Variants in SHOX2 observed in about 807,000 individuals in gnomAD.
SHOX2 encodes the protein short stature homeobox protein 2.
Under a neutral mutation model 31.3 loss-of-function variants are expected in SHOX2, and 13 were observed. That is an observed-to-expected ratio of 0.42 (90% confidence interval 0.27 to 0.66). The LOEUF (loss-of-function observed/expected upper bound fraction) is 0.66, where lower values mean the gene tolerates loss of function less well. Ranked by LOEUF, SHOX2 falls within the 30% of genes least tolerant of loss-of-function variation. The probability of loss-of-function intolerance (pLI) is 0.27; values close to 1 mark genes in which losing one functional copy is unlikely to be tolerated. For missense variants in SHOX2, 473 were observed against 443.0 expected (o/e 1.07, Z -0.61); for synonymous variants, 244 against 196.2 (o/e 1.24, Z -2.04).
Position 158,102,883 on chromosome 3 carries a change from G to C in SHOX2, c.350C>G (p.Ser117Cys), listed in dbSNP as rs1272535986. Residue 117 changes from serine (S) to cysteine (C), a missense_variant, in exon 2 of 5, where the codon TCC becomes TGC. By Grantham distance (112) the Ser-to-Cys change is moderately radical. This residue lies in a region of SHOX2 where 276 missense variants were observed against 230.0 expected (regional missense o/e 1.20). Coordinates refer to ENST00000483851, the MANE Select transcript of SHOX2 (RefSeq NM_001163678.2). The stretch of plus-strand genomic sequence containing the variant: ...CTCTTTGCGATCTTTCAGCTCCGGG[G>C]ACACTGGAGGGGGCACCCCAGCGGG... ...EPGSPRLTEV[S>C]PELKDRKEDA... is the part of the protein sequence containing the mutation. 4 of 1,613,648 alleles carry C rather than the reference G, an allele frequency of 2.5e-6. No homozygotes were observed. Among genetic ancestry groups the C allele is most frequent in the Non-Finnish European group, 3.4e-6 (4 of 1,180,002 alleles).
In SHOX2 at chr3:158,103,451, TATC is replaced by T. The variant is rs562387913; in HGVS notation, c.347-568_347-566del. Reference sequence around the variant, plus strand: ...ATTTAGGAACAATTGGGCCGAAAGGTATCAGCGAGAGCAACAGACCCCGGTGTT... The same window carrying T: ...ATTTAGGAACAATTGGGCCGAAAGGTAGCGAGAGCAACAGACCCCGGTGTT... On this transcript the variant is annotated intron_variant, in intron 1 of 4. Coordinates refer to ENST00000483851, the MANE Select transcript of SHOX2 (RefSeq NM_001163678.2). 22 of 167,924 alleles carry T rather than the reference TATC, an allele frequency of 1.3e-4. No homozygotes were observed. In the Middle Eastern group the frequency reaches 9.5e-3, roughly 72 times the overall value. 10.4% of individuals were successfully genotyped at this position (167,924 alleles called of 1,614,324 possible).
intron 3 of SHOX2, 121 bp from the exon 4 acceptor site, chr3:158,100,069 A>T (rs1713396643): frequency 4.1e-6 from 4 of 965,794 alleles, no homozygotes; most frequent in Non-Finnish European, 3.1e-6. Context: ...TCTAAACTGC[A>T]TCCAAAATTT....
chr3:158,096,761 T>C lies in SHOX2; in HGVS notation c.*1266A>G, dbSNP rs1713108534. On this transcript the variant is annotated 3_prime_UTR_variant, in exon 5 of 5. Transcript: ENST00000483851. ...GAGGCGCTGTACCTTCATTATTTCATTTGGTGGTCTTGTTTTCTTTTTCCT... is the reference window on the plus strand; with the variant it reads ...GAGGCGCTGTACCTTCATTATTTCACTTGGTGGTCTTGTTTTCTTTTTCCT... The C allele has an allele frequency of 6.6e-6, 1 of 151,856 alleles. No homozygotes were observed. Among genetic ancestry groups the C allele is most frequent in the Non-Finnish European group, 1.5e-5 (1 of 67,932 alleles). 9.4% of individuals were successfully genotyped at this position (151,856 alleles called of 1,614,324 possible). A position where few individuals can be genotyped will look rare whatever the true frequency, so the allele number is the denominator to read the frequency against.
intron 1 of SHOX2, chr3:158,105,337 C>A (rs957998198): frequency 1.5e-5 from 9 of 591,164 alleles, no homozygotes; most frequent in African/African-American, 1.1e-4. Context: ...CAGCCCGGCC[C>A]CGCGAACTTC....
Position 158,096,101 on chromosome 3 carries a change from G to A in SHOX2, c.*1926C>T, listed in dbSNP as rs552504533. On this transcript the variant is annotated 3_prime_UTR_variant, in exon 5 of 5. Transcript: ENST00000483851. ...TTTAAAAGGTTTAACAGAATTGGAG[G>A]CGACACATTTTGTACTGACAACACG... 3 of 152,656 alleles carry A rather than the reference G, an allele frequency of 2.0e-5. No individual in the cohort carries two copies. The South Asian group carries it at 6.2e-4, about 32-fold the overall frequency. 9.5% of individuals were successfully genotyped at this position (152,656 alleles called of 1,614,324 possible).
Position 158,097,667 on chromosome 3 carries a change from T to G in SHOX2, c.*360A>C. 4.7e-6 allele frequency: 1 copy of G among 212,746 alleles called. No homozygotes were observed. Among genetic ancestry groups the G allele is most frequent in the Non-Finnish European group, 9.2e-6 (1 of 108,802 alleles). The allele number at this position is 212,746 out of a possible 1,614,324, so 13.2% of individuals were successfully genotyped here. On this transcript the variant is annotated 3_prime_UTR_variant, in exon 5 of 5. Coordinates refer to ENST00000483851, the MANE Select transcript of SHOX2 (RefSeq NM_001163678.2). ...TTTTTCATTGTTAACAAGATTTTTT[T>G]TTCTATGCAAGAGTCCATCGTTGCA...
In SHOX2 at chr3:158,101,301, CT is replaced by C. The variant is rs540570983; in HGVS notation, c.556-991del. On this transcript the variant is annotated intron_variant, in intron 2 of 4. Coordinates refer to ENST00000483851, the MANE Select transcript of SHOX2 (RefSeq NM_001163678.2). ...TCAATGTAAATCTTCAAAAATTTCT[CT>C]GCTATTTAGTACAACAGAGGGTGGA... 1.6e-3 allele frequency among the ~76,000 whole-genome samples: 245 copies of C among 152,350 alleles called. 1 individual carries two copies. Among genetic ancestry groups the C allele is most frequent in the Admixed American group, 0.013 (199 of 15,308 alleles).
intron 1 of SHOX2, chr3:158,105,198 G>A: frequency 1.0e-6 from 1 of 983,396 alleles, no homozygotes; most frequent in Admixed American, 2.0e-5. Flanking sequence ...AGTTCGAGGG[G>A]TCTTGGCGGC....
chr3:158,104,673 G>A (rs1713740101), intron 1 of SHOX2, among the ~76,000 whole-genome samples: 2 of 152,166 alleles, frequency 1.3e-5, no homozygotes, highest in Non-Finnish European at 2.9e-5. Context: ...ATTTCAAGTT[G>A]ATCCATAGAC....
intron 3 of SHOX2, 70 bp downstream of exon 3, chr3:158,100,184 T>C (rs1713409332): frequency 1.6e-6 from 2 of 1,285,348 alleles, no homozygotes; most frequent in East Asian, 2.3e-5. Flanking sequence ...TTTTCTGTCA[T>C]TGTAATAGTA....
chr3:158,101,230 T>G (rs571156495), intron 2 of SHOX2, among the ~76,000 whole-genome samples: 4 of 152,230 alleles, frequency 2.6e-5, no homozygotes, highest in Non-Finnish European at 5.9e-5. Flanking sequence ...GTAAAAATAC[T>G]GCTTCAGAGC....
chr3:158,097,787 G>A lies in SHOX2; in HGVS notation c.*240C>T. 1 of 573,824 alleles carries A rather than the reference G, an allele frequency of 1.7e-6. No homozygotes were observed. 35.5% of individuals were successfully genotyped at this position (573,824 alleles called of 1,614,324 possible). A position where few individuals can be genotyped will look rare whatever the true frequency, so the allele number is the denominator to read the frequency against. ...CCCGCTCCTACAAAACCCAATTCTA[G>A]GCCCTCGAGTAGGAAAACGGGCAGG... On this transcript the variant is annotated 3_prime_UTR_variant, in exon 5 of 5. Transcript: ENST00000483851.
At position 158,096,617 on chromosome 3, in the gene SHOX2, GA is replaced by G. The variant is rs1713099981; in HGVS notation, c.*1409del. On this transcript the variant is annotated 3_prime_UTR_variant, in exon 5 of 5. Coordinates refer to ENST00000483851, the MANE Select transcript of SHOX2 (RefSeq NM_001163678.2). ...TTTAAGGTGAATTTGACGGGATAGA[GA>G]GGGGGAAATAAACCACTGTCTTCAA... is the stretch of plus-strand genomic sequence containing the variant. 6.6e-6 allele frequency: 1 copy of G among 152,392 alleles called. No homozygotes were observed. Among genetic ancestry groups the G allele is most frequent in the Non-Finnish European group, 1.5e-5 (1 of 68,014 alleles). The allele number at this position is 152,392 out of a possible 1,614,324, so 9.4% of individuals were successfully genotyped here.
Position 158,102,662 on chromosome 3 carries a change from C to A in SHOX2, c.555+16G>T. 6.2e-7 allele frequency: 1 copy of A among 1,612,706 alleles called. No homozygotes were observed. The highest frequency in any genetic ancestry group is 8.5e-7 in the Non-Finnish European group (1 of 1,178,900). The stretch of plus-strand genomic sequence containing the variant: ...TCTCTGCTCCCTGGGCCCTCGACCT[C>A]CTGGCAGCTGGGTACCTGCACTCGG... On this transcript the variant is annotated intron_variant, in intron 2 of 4. Transcript: ENST00000483851.
chr3:158,098,488 G>C (rs1713278791), intron 4 of SHOX2, among the ~76,000 whole-genome samples: 1 of 152,196 alleles, frequency 6.6e-6, no homozygotes, highest in Non-Finnish European at 1.5e-5. Flanking sequence ...GGATACTCCA[G>C]TGTCCCCTGG....
intron 4 of SHOX2, among the ~76,000 whole-genome samples, 165 bp downstream of exon 4, chr3:158,099,695 G>A (rs756131244): frequency 3.3e-5 from 5 of 152,158 alleles, no homozygotes; most frequent in Admixed American, 1.3e-4. Flanking sequence ...CTTTAATACC[G>A]TATAGGTTTT....
intron 2 of SHOX2, among the ~76,000 whole-genome samples, chr3:158,101,858 A>C (rs1713513127): frequency 1.3e-5 from 2 of 152,226 alleles, no homozygotes; most frequent in Admixed American, 1.3e-4. Flanking sequence ...GGATATGTGT[A>C]TGTGAATGTA....
intron 1 of SHOX2, 103 bp downstream of exon 1, chr3:158,105,576 T>C (rs1713845251): frequency 1.9e-6 from 2 of 1,062,528 alleles, no homozygotes; most frequent in South Asian, 1.4e-5. Context: ...GCCCTCTCCG[T>C]GTCCCTCTCC....
At position 158,105,793 on chromosome 3, in the gene SHOX2, C is replaced by T. The variant is rs1713874245; in HGVS notation, c.232G>A (p.Val78Ile). ...GGGGGGGGGG[V>I]GGGGAGGGAG... ...CCTCCGCCTGCTCCTCCTCCTCCTA[C>T]ACCTCCTCCGCCTCCTCCGCCGCCG... Residue 78 changes from valine (V) to isoleucine (I), a missense_variant, in exon 1 of 5, where the codon GTA becomes ATA. Coordinates refer to ENST00000483851, the MANE Select transcript of SHOX2 (RefSeq NM_001163678.2). 6.0e-6 allele frequency: 9 copies of T among 1,491,784 alleles called. No individual in the cohort carries two copies. The highest frequency in any genetic ancestry group is 2.5e-5 in the South Asian group (2 of 79,050). 92.4% of individuals were successfully genotyped at this position (1,491,784 alleles called of 1,614,324 possible).
Sources: allele counts gnomAD v4.1 joint callset (sites outside exome capture counted in the v4.1 genomes callset), GRCh38; gene constraint gnomAD v4.1.1; regional missense constraint gnomAD v4.1.1; transcripts MANE v1.5; gene names NCBI Gene and HGNC (gene_info 2026-07-23, HGNC 2026-07-21).